DPH6: variants seen among roughly 807,000 people sequenced by gnomAD.
DPH6 encodes the protein diphthamine biosynthesis 6, also known as diphthine--ammonia ligase.
In DPH6, 33 loss-of-function variants were observed where a neutral mutation model predicts 38.2. The ratio of observed to expected loss-of-function variants is 0.86; its 90% CI spans 0.65 to 1.15. DPH6 has a LOEUF of 1.15. DPH6 is among the 50% of genes most tolerant of loss of function. DPH6 has a pLI of 0.00. For missense variants in DPH6, 325 were observed against 320.0 expected, an observed-to-expected ratio of 1.02 and a Z score of -0.12; for synonymous variants, 108 against 103.0, an observed-to-expected ratio of 1.05 and a Z score of -0.30.
intron 3 of DPH6, among the ~76,000 whole-genome samples, chr15:35,350,322 G>GTTTT (rs60012895): frequency 7.1e-6 from 1 of 139,902 alleles, no homozygotes; most frequent in Non-Finnish European, 1.6e-5. Context: ...ACTGGAGTCT[G>GTTTT]TTTTTTTTTT....
chr15:35,177,600 A>AATCATCATC, the DPH6 span, among the ~76,000 whole-genome samples: 5 of 134,470 alleles, frequency 3.7e-5, no homozygotes, highest in African/African-American at 1.1e-4. Flanking sequence ...AAAAAAAAAA[A>AATCATCATC]ATCATCATCA....
the DPH6 span, among the ~76,000 whole-genome samples, chr15:35,191,068 A>G: frequency 2.6e-5 from 4 of 152,164 alleles, no homozygotes; most frequent in African/African-American, 9.7e-5. Flanking sequence ...AAACCCCAAC[A>G]ATCTTTCTTT....
chr15:35,360,737 C>A (rs1158041751), intron 3 of DPH6, among the ~76,000 whole-genome samples: 1 of 152,004 alleles, frequency 6.6e-6, no homozygotes, highest in East Asian at 1.9e-4. Flanking sequence ...GCAGGACTGT[C>A]TCTGGGCTAT....
the DPH6 span, among the ~76,000 whole-genome samples, chr15:35,188,581 T>C: frequency 6.6e-6 from 1 of 152,222 alleles, no homozygotes; most frequent in Non-Finnish European, 1.5e-5. Flanking sequence ...TAATAAACTT[T>C]CACTCATGCT....
intron 3 of DPH6, among the ~76,000 whole-genome samples, chr15:35,312,609 A>G (rs2052152494): frequency 6.6e-6 from 1 of 152,248 alleles, no homozygotes; most frequent in Non-Finnish European, 1.5e-5. Context: ...TTCAGCATTA[A>G]TAAAGAAAGG....
At chr15:35,196,063 A>G in the DPH6 span, among the ~76,000 whole-genome samples, 1 of 152,202 alleles carries the variant, frequency 6.6e-6, no homozygotes, top group Non-Finnish European at 1.5e-5. Flanking sequence ...AAAATGAGGT[A>G]TTCCTCATTT....
the DPH6 span, among the ~76,000 whole-genome samples, chr15:35,194,399 G>C: frequency 2.3e-4 from 34 of 147,628 alleles, no homozygotes; most frequent in African/African-American, 7.6e-4. Context: ...GAGAGAGATA[G>C]AGAGAGAGAG....
intron 3 of DPH6, among the ~76,000 whole-genome samples, chr15:35,289,382 A>G (rs914018933): frequency 5.9e-5 from 9 of 152,340 alleles, no homozygotes; most frequent in Non-Finnish European, 1.0e-4. Context: ...AGCAATAACC[A>G]TGATTATGCT....
intron 3 of DPH6, among the ~76,000 whole-genome samples, chr15:35,223,893 C>T (rs1021484007): frequency 6.6e-6 from 1 of 151,878 alleles, no homozygotes; most frequent in Non-Finnish European, 1.5e-5. Context: ...AACGTAACTG[C>T]CTTAAAAATC....
chr15:35,343,775 T>C (rs2052441060), intron 3 of DPH6, among the ~76,000 whole-genome samples: 1 of 152,062 alleles, frequency 6.6e-6, no homozygotes. Flanking sequence ...TCATTAACTT[T>C]ATAATGTAGT....
Position 35,546,105 on chromosome 15 carries a change from C to T in DPH6, c.23+14G>A, listed in dbSNP as rs1401573268. On this transcript the variant is annotated intron_variant, in intron 1 of 8. Coordinates refer to ENST00000256538, the MANE Select transcript of DPH6 (RefSeq NM_080650.4). ...TGGCCTAGGAGGAAGGAGGCGGCTC[C>T]AGGACCGCATTACCTGATCAGAGCC... 7.1e-7 allele frequency: 1 copy of T among 1,399,890 alleles called. No homozygotes were observed. The highest frequency in any genetic ancestry group is 1.6e-5 in the South Asian group (1 of 61,706). 86.7% of individuals were successfully genotyped at this position (1,399,890 alleles called of 1,614,324 possible).
chr15:35,374,787 AG>A (rs2052759270), intron 7 of DPH6, among the ~76,000 whole-genome samples: 1 of 152,118 alleles, frequency 6.6e-6, no homozygotes, highest in African/African-American at 2.4e-5. Flanking sequence ...CATCAACCAA[AG>A]ATGCCACCAG....
At chr15:35,331,513 A>G (rs1015847382) in intron 3 of DPH6, among the ~76,000 whole-genome samples, 6 of 152,228 alleles carry the variant, frequency 3.9e-5, no homozygotes, top group African/African-American at 1.2e-4. Flanking sequence ...ACTGGGTGCT[A>G]TAAGTTATTG....
At chr15:35,523,717 A>G (rs572627490) in intron 3 of DPH6, among the ~76,000 whole-genome samples, 2 of 152,246 alleles carry the variant, frequency 1.3e-5, no homozygotes, top group East Asian at 1.9e-4. Flanking sequence ...AGCTACTATG[A>G]TAAGTCAAGA....
chr15:35,417,931 T>C (rs967536430), intron 5 of DPH6, among the ~76,000 whole-genome samples: 1 of 152,082 alleles, frequency 6.6e-6, no homozygotes, highest in African/African-American at 2.4e-5. Flanking sequence ...TAAAACTGCA[T>C]TACATTAAAA....
Position 35,297,536 on chromosome 15 carries a change from C to T in DPH6, n.200+75985G>A, listed in dbSNP as rs114959077. ...TCTCTCATTTCTTCTTCTGAGAGAC[C>T]ACATTTTTTTTTGGTAAGGAGATTG... On this transcript the variant is annotated intron_variant and non_coding_transcript_variant, in intron 3 of 3. Coordinates refer to the DPH6 transcript ENST00000560386. 5.9e-3 allele frequency among the ~76,000 whole-genome samples: 903 copies of T among 152,006 alleles called. 8 individuals are homozygous for T. Among genetic ancestry groups the T allele is most frequent in the African/African-American group, 0.021 (864 of 41,460 alleles).
chr15:35,393,164 A>G (rs1412611895), intron 6 of DPH6, among the ~76,000 whole-genome samples: 1 of 152,206 alleles, frequency 6.6e-6, no homozygotes, highest in Non-Finnish European at 1.5e-5. Flanking sequence ...GTCTAGAAGC[A>G]AAAAGAACTG....
chr15:35,423,157 T>C (rs1176546319), intron 5 of DPH6, among the ~76,000 whole-genome samples: 4 of 151,902 alleles, frequency 2.6e-5, no homozygotes, highest in Admixed American at 2.0e-4. Flanking sequence ...ATAATGGCTG[T>C]ACCAATTTAC....
the DPH6 span, among the ~76,000 whole-genome samples, chr15:35,210,891 C>T: frequency 7.0e-6 from 1 of 142,228 alleles, no homozygotes; most frequent in East Asian, 2.2e-4. Context: ...TGCATCTTAT[C>T]ATTTCACAGA....
Sources: gnomAD v4.1 joint callset for allele counts (sites outside exome capture counted in the v4.1 genomes callset) on GRCh38, gnomAD v4.1.1 for gene constraint, MANE v1.5 for transcripts, NCBI Gene and HGNC (gene_info 2026-07-23, HGNC 2026-07-21) for gene names.